Variants in FOXP1 observed in about 807,000 individuals in gnomAD.
FOXP1 encodes the protein forkhead box P1, also known as forkhead box protein P1.
Under a neutral mutation model 98.2 loss-of-function variants are expected in FOXP1, and 15 were observed. The observed-to-expected ratio is 0.15, with a 90% CI of 0.10 to 0.24. The LOEUF (loss-of-function observed/expected upper bound fraction) is 0.24, where lower values mean the gene tolerates loss of function less well. FOXP1 is among the 10% of genes least tolerant of loss of function. FOXP1 has a pLI of 1.00. For missense variants in FOXP1, 633 were observed against 848.5 expected (o/e 0.75, Z 3.15); for synonymous variants, 371 against 314.5 (o/e 1.18, Z -1.90).
intron 3 of FOXP1, among the ~76,000 whole-genome samples, chr3:71,458,741 T>C (rs538044847): frequency 3.4e-4 from 52 of 152,314 alleles, no homozygotes; most frequent in African/African-American, 1.3e-3. Flanking sequence ...TCTCTTGCAA[T>C]GGACCATTTT....
chr3:71,149,830 T>C (rs1478142112), intron 6 of FOXP1, among the ~76,000 whole-genome samples: 1 of 152,180 alleles, frequency 6.6e-6, no homozygotes, highest in Non-Finnish European at 1.5e-5. Context: ...TTATTCTTGG[T>C]GGGAAGGAGA....
chr3:71,448,849 C>G (rs1340631434), intron 3 of FOXP1, among the ~76,000 whole-genome samples: 2 of 152,202 alleles, frequency 1.3e-5, no homozygotes, highest in African/African-American at 4.8e-5. Flanking sequence ...TAGAAACCTG[C>G]TTAGCAAACT....
intron 7 of FOXP1, among the ~76,000 whole-genome samples, chr3:71,094,470 T>C (rs1434884790): frequency 1.3e-5 from 2 of 152,022 alleles, no homozygotes; most frequent in Non-Finnish European, 2.9e-5. Context: ...TTTCATGAAA[T>C]ATTATTCGTC....
Position 71,053,678 on chromosome 3 carries a change from G to A in FOXP1, c.378C>T (p.Leu126=), listed in dbSNP as rs999475924. The A allele has an allele frequency of 5.0e-6, 8 of 1,613,990 alleles. No homozygotes were observed. The highest frequency in any genetic ancestry group is 1.3e-5 in the African/African-American group (1 of 74,888). Reference sequence around the variant, plus strand: ...CCTGCTGCTGCTGGAGGAGAACCTGGAGCTGCTGAGGGCTCAGCACTTGTT... The same window carrying A: ...CCTGCTGCTGCTGGAGGAGAACCTGAAGCTGCTGAGGGCTCAGCACTTGTT... ...LQQQVLSPQQ[L]QVLLQQQQAL... is the part of the protein sequence containing the mutation. Residue 126 remains leucine, a synonymous_variant, in exon 8 of 21, where the codon CTC becomes CTT. Transcript: ENST00000649528.
In FOXP1 at chr3:70,958,293, T is replaced by C. The variant is rs1157270093; in HGVS notation, c.*954A>G. 5.6e-6 allele frequency: 3 copies of C among 535,904 alleles called. No homozygotes were observed. Among genetic ancestry groups the C allele is most frequent in the Non-Finnish European group, 1.1e-5 (3 of 276,346 alleles). 33.2% of individuals were successfully genotyped at this position (535,904 alleles called of 1,614,324 possible). On this transcript the variant is annotated 3_prime_UTR_variant, in exon 21 of 21. Transcript: ENST00000649528. The stretch of plus-strand genomic sequence containing the variant: ...TGCTGCGTGGAATGAATCGGCATTG[T>C]TCCTAGAGTTTGTCTCTCTTTTTTT...
chr3:71,515,447 A>AAC (rs989619599), intron 2 of FOXP1, among the ~76,000 whole-genome samples: 3 of 145,094 alleles, frequency 2.1e-5, no homozygotes, highest in Non-Finnish European at 3.1e-5. Flanking sequence ...AAAAAAAAAA[A>AAC]AAAAAACTGC....
chr3:71,415,188 C>T (rs558739103), intron 3 of FOXP1, among the ~76,000 whole-genome samples: 16 of 152,200 alleles, frequency 1.1e-4, no homozygotes, highest in Admixed American at 3.3e-4. Context: ...TCATTCGACA[C>T]GTGTCTGTAT....
intron 3 of FOXP1, among the ~76,000 whole-genome samples, chr3:71,439,721 G>A (rs1427036485): frequency 6.6e-6 from 1 of 152,112 alleles, no homozygotes; most frequent in East Asian, 1.9e-4. Flanking sequence ...AGGTAGGCAG[G>A]TCATTTCAGG....
chr3:71,029,575 GA>G (rs1278792155), intron 11 of FOXP1, among the ~76,000 whole-genome samples: 1 of 151,944 alleles, frequency 6.6e-6, no homozygotes, highest in African/African-American at 2.4e-5. Context: ...ATTTTTTGTA[GA>G]GACAGGGTCT....
intron 14 of FOXP1, among the ~76,000 whole-genome samples, chr3:70,984,804 T>C (rs2039456861): frequency 6.6e-6 from 1 of 152,170 alleles, no homozygotes; most frequent in Non-Finnish European, 1.5e-5. Context: ...ATAAGCTTTC[T>C]TCCTCAGATC....
chr3:71,221,254 C>T (rs898411385), intron 5 of FOXP1, among the ~76,000 whole-genome samples: 20 of 152,154 alleles, frequency 1.3e-4, no homozygotes, highest in African/African-American at 4.6e-4. Context: ...TCATCCCCAA[C>T]TCTTCCCCTC....
chr3:71,030,698 T>C (rs893798547), intron 11 of FOXP1, among the ~76,000 whole-genome samples: 1 of 152,224 alleles, frequency 6.6e-6, no homozygotes, highest in African/African-American at 2.4e-5. Context: ...TTCTTGCACT[T>C]TGGACAACTT....
intron 2 of FOXP1, chr3:71,581,319 G>A: frequency 1.0e-6 from 1 of 985,382 alleles, no homozygotes; most frequent in Non-Finnish European, 1.2e-6. Context: ...GCTAAACTTT[G>A]ATCTCCAGAT....
chr3:71,511,890 A>G (rs1176510570), intron 2 of FOXP1, among the ~76,000 whole-genome samples: 2 of 152,220 alleles, frequency 1.3e-5, no homozygotes, highest in Admixed American at 1.3e-4. Flanking sequence ...TCCAATTAGC[A>G]CATCTTTTTT....
At chr3:71,243,593 C>G (rs1469811293) in intron 5 of FOXP1, among the ~76,000 whole-genome samples, 1 of 152,194 alleles carries the variant, frequency 6.6e-6, no homozygotes, top group African/African-American at 2.4e-5. Context: ...AAGTACGTCC[C>G]AGCATCTATA....
chr3:71,528,215 T>C (rs921701898), intron 2 of FOXP1, among the ~76,000 whole-genome samples: 2 of 152,218 alleles, frequency 1.3e-5, no homozygotes, highest in African/African-American at 4.8e-5. Flanking sequence ...AAAACAACTC[T>C]AGTAAATTGC....
chr3:71,032,793 G>C (rs1478979483), intron 11 of FOXP1, among the ~76,000 whole-genome samples: 1 of 152,078 alleles, frequency 6.6e-6, no homozygotes, highest in African/African-American at 2.4e-5. Flanking sequence ...CCTTCATCTG[G>C]CTCCAGTATT....
At position 70,980,841 on chromosome 3, in the gene FOXP1, A is replaced by G. The variant is rs116557212; in HGVS notation, c.1147-2812T>C. 3.7e-3 allele frequency among the ~76,000 whole-genome samples: 571 copies of G among 152,338 alleles called. 2 individuals are homozygous for G. Among genetic ancestry groups the G allele is most frequent in the African/African-American group, 0.013 (533 of 41,566 alleles). ...TACGTCAGTCAAAGGGCAAAGGTAC[A>G]CAGTAACCACAAAGCAGTTCTGAGG... On this transcript the variant is annotated intron_variant, in intron 14 of 20. Coordinates refer to ENST00000649528, the MANE Select transcript of FOXP1 (RefSeq NM_001349338.3).
At position 71,521,356 on chromosome 3, in the gene FOXP1, G is replaced by A. The variant is rs948819622; in HGVS notation, c.-297-27801C>T. Among the ~76,000 whole-genome samples, 21 of 152,206 alleles carry A rather than the reference G, an allele frequency of 1.4e-4. No individual in the cohort carries two copies. In the South Asian group the frequency reaches 2.9e-3, roughly 21 times the overall value. Reference sequence around the variant, plus strand: ...AGCCTGGCCAATATGGTGAAACCTCGTCTCTACTAAAAATACAAAAATTAG... The same window carrying A: ...AGCCTGGCCAATATGGTGAAACCTCATCTCTACTAAAAATACAAAAATTAG... On this transcript the variant is annotated intron_variant, in intron 2 of 20. Coordinates refer to ENST00000649528, the MANE Select transcript of FOXP1 (RefSeq NM_001349338.3).
Sources: gnomAD v4.1 joint callset for allele counts (sites outside exome capture counted in the v4.1 genomes callset) on GRCh38, gnomAD v4.1.1 for gene constraint, MANE v1.5 for transcripts, NCBI Gene and HGNC (gene_info 2026-07-23, HGNC 2026-07-21) for gene names.